BSN: variants seen among roughly 807,000 people sequenced by gnomAD.
BSN encodes bassoon presynaptic cytomatrix protein.
BSN carries 57 observed loss-of-function variants against 264.8 expected under a neutral mutation model. The ratio of observed to expected loss-of-function variants is 0.22; its 90% CI spans 0.17 to 0.27. BSN has a LOEUF of 0.27. BSN is among the 10% of genes least tolerant of loss of function. The pLI, the probability that BSN is intolerant of heterozygous loss-of-function variation, is 1.00. For missense variants in BSN, 4,615 were observed against 5,232.5 expected, an observed-to-expected ratio of 0.88 and a Z score of 3.64; for synonymous variants, 2,059 against 2,137.3, an observed-to-expected ratio of 0.96 and a Z score of 1.01.
At chr3:49,562,609 A>C (rs1181940348) in intron 1 of BSN, among the ~76,000 whole-genome samples, 1 of 152,212 alleles carries the variant, frequency 6.6e-6, no homozygotes, top group East Asian at 1.9e-4. Flanking sequence ...TCTGTTGGGA[A>C]GCTCCAAAGG....
At chr3:49,671,929 T>A (rs1223486268), downstream of BSN, among the ~76,000 whole-genome samples, 1 of 152,072 alleles carries the variant, frequency 6.6e-6, no homozygotes, top group Non-Finnish European at 1.5e-5. The surrounding 1 kb of genome is among the most constrained non-coding windows in gnomAD (Gnocchi z 4.1). Flanking sequence ...TGCTCCGAAT[T>A]TTCCAACCCC....
chr3:49,662,526 C>T lies in BSN; in HGVS notation c.10681C>T (p.Leu3561=). 1.2e-6 allele frequency: 2 copies of T among 1,601,426 alleles called. No individual in the cohort carries two copies. Among genetic ancestry groups the T allele is most frequent in the Non-Finnish European group, 1.7e-6 (2 of 1,174,016 alleles). Residue 3561 remains leucine, a synonymous_variant, in exon 6 of 12, where the codon CTG becomes TTG. Coordinates refer to ENST00000296452, the MANE Select transcript of BSN (RefSeq NM_003458.4). ...HAYKREEGYI[L]DDSHCVVSDS... is the part of the protein sequence containing the mutation. ...ATATAAGCGTGAGGAGGGCTACATC[C>T]TGGATGATTCCCATTGCGTGGTTTC...
At position 49,663,381 on chromosome 3, in the gene BSN, C is replaced by T. The variant is rs760152580; in HGVS notation, c.11223C>T (p.Pro3741=). Residue 3741 remains proline, a synonymous_variant, in exon 7 of 12, where the codon CCC becomes CCT. Coordinates refer to ENST00000296452, the MANE Select transcript of BSN (RefSeq NM_003458.4). ...CTGCACTGCAGTCAAAGGCAGAACC[C>T]CAGGCGCAGCCGCAGCTGCAAGGTC... ...GPAALQSKAE[P]QAQPQLQGRQ... 5.6e-6 allele frequency: 9 copies of T among 1,612,978 alleles called. 1 individual carries two copies. Among genetic ancestry groups the T allele is most frequent in the South Asian group, 5.5e-5 (5 of 91,090 alleles).
In BSN at chr3:49,657,232, T is replaced by A. The variant is rs760593977; in HGVS notation, c.7676T>A (p.Met2559Lys). 1 of 1,613,476 alleles carries A rather than the reference T, an allele frequency of 6.2e-7. No individual in the cohort carries two copies. Among genetic ancestry groups the A allele is most frequent in the South Asian group, 1.1e-5 (1 of 91,088 alleles). ...SRSGIKKRHS[M>K]PRLRDACELE... is the part of the protein sequence containing the mutation. ...AGTGGCATCAAGAAGCGGCACTCCA[T>A]GCCACGCCTGCGGGATGCCTGTGAG... is the stretch of plus-strand genomic sequence containing the variant. Residue 2559 changes from methionine (M) to lysine (K), a missense_variant, in exon 5 of 12, where the codon ATG becomes AAG. Met to Lys is a moderately conservative substitution (Grantham distance 95, BLOSUM62 -1). Coordinates refer to ENST00000296452, the MANE Select transcript of BSN (RefSeq NM_003458.4).
intron 1 of BSN, among the ~76,000 whole-genome samples, chr3:49,602,271 C>T (rs1370350630): frequency 6.6e-6 from 1 of 152,158 alleles, no homozygotes; most frequent in Non-Finnish European, 1.5e-5. Flanking sequence ...GGCAGCAGGA[C>T]AACTCATTCT....
At chr3:49,637,395 T>G (rs1395264548) in intron 2 of BSN, among the ~76,000 whole-genome samples, 1 of 152,136 alleles carries the variant, frequency 6.6e-6, no homozygotes, top group East Asian at 1.9e-4. Context: ...AGTCCCACCC[T>G]TGAGGGCTGA....
intron 1 of BSN, among the ~76,000 whole-genome samples, chr3:49,613,048 G>A (rs563370636): frequency 3.0e-4 from 45 of 152,224 alleles, no homozygotes; most frequent in African/African-American, 1.0e-3. Context: ...CAGGAGAATT[G>A]CTTGAACCTG....
Position 49,657,918 on chromosome 3 carries a change from C to T in BSN, c.8362C>T (p.Pro2788Ser). The T allele has an allele frequency of 6.2e-7, 1 of 1,613,858 alleles. No individual in the cohort carries two copies. The highest frequency in any genetic ancestry group is 8.5e-7 in the Non-Finnish European group (1 of 1,179,914). ...CTCACAGCTTGTGAGCCGCCAGCCTCCCAAGTCCCCTCAGGTCCTCTACTC... is the reference window on the plus strand; with the variant it reads ...CTCACAGCTTGTGAGCCGCCAGCCTTCCAAGTCCCCTCAGGTCCTCTACTC... ...SLSQLVSRQP[P>S]KSPQVLYSPV... Residue 2788 changes from proline to serine, a missense_variant, in exon 5 of 12, where the codon CCC becomes TCC. This residue lies in a region of BSN where 3,415 missense variants were observed against 3,866.4 expected (regional missense o/e 0.88). Coordinates refer to ENST00000296452, the MANE Select transcript of BSN (RefSeq NM_003458.4).
chr3:49,575,526 A>G (rs1000617779), intron 1 of BSN, among the ~76,000 whole-genome samples: 7 of 147,632 alleles, frequency 4.7e-5, no homozygotes, highest in Non-Finnish European at 8.9e-5. Flanking sequence ...ATATGTGTGT[A>G]TATATGTAAA....
At chr3:49,621,388 G>A (rs2052304299) in intron 1 of BSN, among the ~76,000 whole-genome samples, 1 of 152,192 alleles carries the variant, frequency 6.6e-6, no homozygotes, top group African/African-American at 2.4e-5. Context: ...GTAAGGAGTG[G>A]TGTTCTGGGG....
chr3:49,651,499 G>T lies in BSN; in HGVS notation c.1987-44G>T. On this transcript the variant is annotated intron_variant, in intron 4 of 11. Coordinates refer to ENST00000296452, the MANE Select transcript of BSN (RefSeq NM_003458.4). This position sits in a 1 kb window ranked among gnomAD's most constrained non-coding sequence, Gnocchi z 5.4. Reference sequence around the variant, plus strand: ...AGGGAGGATTGGGTTCCCACCACGAGCTTTGCCATGGGGAGTCAGTGTCTG... The same window carrying T: ...AGGGAGGATTGGGTTCCCACCACGATCTTTGCCATGGGGAGTCAGTGTCTG... 6.6e-7 allele frequency: 1 copy of T among 1,522,004 alleles called. No individual in the cohort carries two copies. Among genetic ancestry groups the T allele is most frequent in the Non-Finnish European group, 8.8e-7 (1 of 1,132,642 alleles). The allele number at this position is 1,522,004 out of a possible 1,614,324, so 94.3% of individuals were successfully genotyped here.
In BSN at chr3:49,655,599, G is replaced by C. The variant is rs1272790213; in HGVS notation, c.6043G>C (p.Asp2015His). The C allele has an allele frequency of 7.4e-6, 12 of 1,613,676 alleles. No homozygotes were observed. Among genetic ancestry groups the C allele is most frequent in the Non-Finnish European group, 7.6e-6 (9 of 1,180,014 alleles). Residue 2015 changes from aspartate to histidine, a missense_variant, in exon 5 of 12, where the codon GAC (aspartate) becomes CAC (histidine). Physicochemically the swap from Asp to His is moderately conservative, Grantham distance 81 (BLOSUM62 -1). Transcript: ENST00000296452. ...FQGPGRDSAM[D>H]LSSLKHSYSL... is the part of the protein sequence containing the mutation. ...GGGTCCTGGACGAGACTCGGCTATGGACCTCAGCTCACTGAAGCACTCCTA... is the reference window on the plus strand; with the variant it reads ...GGGTCCTGGACGAGACTCGGCTATGCACCTCAGCTCACTGAAGCACTCCTA...
intron 1 of BSN, among the ~76,000 whole-genome samples, chr3:49,608,340 G>A (rs2052176016): frequency 6.6e-6 from 1 of 152,202 alleles, no homozygotes; most frequent in South Asian, 2.1e-4. Flanking sequence ...AGGCTGACAG[G>A]CATGTGGAAC....
intron 1 of BSN, among the ~76,000 whole-genome samples, chr3:49,562,824 G>C (rs1226262380): frequency 6.6e-6 from 1 of 152,200 alleles, no homozygotes; most frequent in Non-Finnish European, 1.5e-5. Context: ...ATGATGTGGA[G>C]GAAGAAGAAT....
In BSN at chr3:49,638,730, A is replaced by G. The variant is rs1437038458; in HGVS notation, c.634-3538A>G. Among the ~76,000 whole-genome samples, 1 of 152,208 alleles carries G rather than the reference A, an allele frequency of 6.6e-6. No individual in the cohort carries two copies. Among genetic ancestry groups the G allele is most frequent in the African/African-American group, 2.4e-5 (1 of 41,450 alleles). On this transcript the variant is annotated intron_variant, in intron 2 of 11. Coordinates refer to ENST00000296452, the MANE Select transcript of BSN (RefSeq NM_003458.4). The surrounding 1 kb of genome is among the most constrained non-coding windows in gnomAD (Gnocchi z 4.3). The stretch of plus-strand genomic sequence containing the variant: ...GGATGACAGGGGCTGGGGAAAGGAA[A>G]GTTCTGGCGGTGAGTGCAGGCGGTT...
chr3:49,644,792 T>G (rs1345122909), intron 3 of BSN, among the ~76,000 whole-genome samples: 1 of 152,138 alleles, frequency 6.6e-6, no homozygotes, highest in Non-Finnish European at 1.5e-5. Context: ...AGCCCACATT[T>G]CCTTATTAAG....
In BSN at chr3:49,661,027, C is replaced by A; in HGVS notation, c.9182C>A (p.Pro3061Gln). 6.2e-7 allele frequency: 1 copy of A among 1,611,458 alleles called. No individual in the cohort carries two copies. ...FQQPRFQPPA[P>Q]QYSAGSGGPT... ...CAGCCCCGCTTCCAGCCTCCAGCCC[C>A]ACAGTATTCTGCAGGCAGTGGTGGG... is the stretch of plus-strand genomic sequence containing the variant. The change falls in exon 6 of 12, where the codon CCA (proline) becomes CAA (glutamine). Residue 3061 changes from proline to glutamine, a missense_variant. Transcript: ENST00000296452.
intron 3 of BSN, among the ~76,000 whole-genome samples, chr3:49,648,336 C>T (rs1290439526): frequency 6.6e-6 from 1 of 152,226 alleles, no homozygotes; most frequent in Non-Finnish European, 1.5e-5. Flanking sequence ...TGGGTGTGCA[C>T]AGGGCTCCAA....
intron 1 of BSN, among the ~76,000 whole-genome samples, chr3:49,605,438 TTATATATATTATATAA>T (rs2052108451): frequency 3.7e-5 from 1 of 27,012 alleles, no homozygotes; most frequent in Non-Finnish European, 5.8e-5. Flanking sequence ...ATAATATATA[TTATATATATTATATAA>T]TATATATTAT....
Sources: allele counts gnomAD v4.1 joint callset (sites outside exome capture counted in the v4.1 genomes callset), GRCh38; gene constraint gnomAD v4.1.1; regional missense constraint gnomAD v4.1.1; non-coding constraint Gnocchi (gnomAD v3.1); transcripts MANE v1.5; gene names NCBI Gene and HGNC (gene_info 2026-07-23, HGNC 2026-07-21).